FHIT: variants seen among roughly 807,000 people sequenced by gnomAD.
FHIT encodes fragile histidine triad diadenosine triphosphatase.
A neutral mutation model predicts 17.9 loss-of-function variants in FHIT; 19 were observed. That is an observed-to-expected ratio of 1.06 (90% CI 0.74 to 1.56). The LOEUF is 1.56. FHIT is among the 40% of genes most tolerant of loss of function. FHIT has a pLI of 0.00. For synonymous variants in FHIT, 81 were observed against 69.7 expected, an observed-to-expected ratio of 1.16 and a Z score of -0.81; for missense variants, 248 against 189.2, an observed-to-expected ratio of 1.31 and a Z score of -1.82.
At chr3:60,894,755 T>A (rs1705701527) in intron 3 of FHIT, among the ~76,000 whole-genome samples, 1 of 152,136 alleles carries the variant, frequency 6.6e-6, no homozygotes, top group Non-Finnish European at 1.5e-5. Flanking sequence ...CTTGCAAGAA[T>A]CATATCATGA....
intron 5 of FHIT, among the ~76,000 whole-genome samples, chr3:60,499,239 T>C (rs1486575971): frequency 1.3e-5 from 2 of 152,198 alleles, no homozygotes; most frequent in South Asian, 2.1e-4. Flanking sequence ...ATGTTTATAT[T>C]AAAAATCCTG....
chr3:59,901,507 G>C (rs184478483), intron 8 of FHIT, among the ~76,000 whole-genome samples: 1 of 152,180 alleles, frequency 6.6e-6, no homozygotes, highest in Non-Finnish European at 1.5e-5. Context: ...AAATGACCAA[G>C]GGGCATGTGG....
chr3:59,868,065 A>C (rs1211165754), intron 8 of FHIT, among the ~76,000 whole-genome samples: 1 of 151,400 alleles, frequency 6.6e-6, no homozygotes, highest in African/African-American at 2.4e-5. Flanking sequence ...AAAAAAAAAA[A>C]ACCTTTCATT....
intron 5 of FHIT, among the ~76,000 whole-genome samples, chr3:60,369,535 A>T (rs55729744): frequency 0.027 from 4,117 of 152,160 alleles, 197 homozygotes; most frequent in African/African-American, 0.092. Context: ...TTCCCTTAAC[A>T]TATTGAGTAT....
intron 2 of FHIT, among the ~76,000 whole-genome samples, chr3:61,144,712 G>T (rs1289680951): frequency 6.6e-6 from 1 of 152,098 alleles, no homozygotes; most frequent in Non-Finnish European, 1.5e-5. Context: ...GCTTGTTATT[G>T]TCTTTTCTAT....
intron 9 of FHIT, chr3:59,751,324 TCTGCCTCCCAGGTTCAAGCAGTTCTC>T (rs1700886592): frequency 5.5e-6 from 1 of 180,442 alleles, no homozygotes; most frequent in Non-Finnish European, 1.2e-5. Flanking sequence ...CACTGCAACC[TCTGCCTCCCAGGTTCAAGCAGTTCTC>T]CTGCCTCAGC....
intron 5 of FHIT, among the ~76,000 whole-genome samples, chr3:60,095,122 C>A (rs141958243): frequency 1.3e-5 from 2 of 152,122 alleles, no homozygotes; most frequent in Non-Finnish European, 2.9e-5. Context: ...AAGTAAAAAG[C>A]TGAGATAAAG....
At chr3:60,260,113 G>A (rs951769374) in intron 5 of FHIT, among the ~76,000 whole-genome samples, 2 of 152,050 alleles carry the variant, frequency 1.3e-5, no homozygotes, top group African/African-American at 2.4e-5. Flanking sequence ...TCTGAATTCT[G>A]TGCATCTAAC....
chr3:59,834,176 C>T (rs191098010), intron 8 of FHIT, among the ~76,000 whole-genome samples: 1 of 152,282 alleles, frequency 6.6e-6, no homozygotes, highest in Admixed American at 6.5e-5. Context: ...TCAGGAAGAC[C>T]TGAATTCAAG....
At chr3:59,994,818 C>T (rs949081950) in intron 7 of FHIT, among the ~76,000 whole-genome samples, 3 of 152,058 alleles carry the variant, frequency 2.0e-5, no homozygotes, top group Non-Finnish European at 4.4e-5. Flanking sequence ...AAGCTCAGAA[C>T]GTGACATGCA....
At chr3:59,782,812 T>TC (rs1246840949) in intron 8 of FHIT, among the ~76,000 whole-genome samples, 2 of 151,936 alleles carry the variant, frequency 1.3e-5, no homozygotes, top group Non-Finnish European at 2.9e-5. Flanking sequence ...GCATTTTTTT[T>TC]TCCCCCAGGA....
At chr3:59,750,510 C>A (rs762495875) in intron 9 of FHIT, 9 of 224,326 alleles carry the variant, frequency 4.0e-5, no homozygotes, top group Non-Finnish European at 8.0e-5. Flanking sequence ...CCTTAAAAAA[C>A]GAGAGAGAGA....
At chr3:60,034,978 A>G (rs1307864763) in intron 5 of FHIT, among the ~76,000 whole-genome samples, 1 of 152,190 alleles carries the variant, frequency 6.6e-6, no homozygotes, top group Non-Finnish European at 1.5e-5. Context: ...CATACAGGAG[A>G]TATTTTTCCC....
chr3:60,583,223 T>C (rs1331245852), intron 4 of FHIT, among the ~76,000 whole-genome samples: 1 of 152,004 alleles, frequency 6.6e-6, no homozygotes, highest in Non-Finnish European at 1.5e-5. Flanking sequence ...TTTTGGTTCC[T>C]CTTCATTTCT....
chr3:60,267,907 A>G (rs1381629297), intron 5 of FHIT, among the ~76,000 whole-genome samples: 2 of 152,210 alleles, frequency 1.3e-5, no homozygotes, highest in Non-Finnish European at 2.9e-5. Flanking sequence ...GTGCACACAT[A>G]TTTGAAGGAC....
intron 5 of FHIT, among the ~76,000 whole-genome samples, chr3:60,141,136 G>A (rs775946699): frequency 1.6e-4 from 25 of 152,078 alleles, no homozygotes; most frequent in East Asian, 3.9e-4. Flanking sequence ...CAGCCATTTC[G>A]AGGGGGGATA....
intron 8 of FHIT, among the ~76,000 whole-genome samples, chr3:59,861,726 A>C (rs1417013313): frequency 6.6e-6 from 1 of 152,250 alleles, no homozygotes; most frequent in Non-Finnish European, 1.5e-5. Context: ...TTCCTGAAGT[A>C]CAAGAAGTCT....
chr3:60,997,006 T>A (rs2030722399), intron 3 of FHIT, among the ~76,000 whole-genome samples: 1 of 152,252 alleles, frequency 6.6e-6, no homozygotes, highest in African/African-American at 2.4e-5. Flanking sequence ...CCTGAATATT[T>A]CTAATGGGCT....
At chr3:60,298,878 T>A (rs1708327985) in intron 5 of FHIT, among the ~76,000 whole-genome samples, 1 of 152,096 alleles carries the variant, frequency 6.6e-6, no homozygotes, top group African/African-American at 2.4e-5. Flanking sequence ...ACTTCTGGCT[T>A]TTTTCTTGTA....
Sources: gnomAD v4.1 joint callset for allele counts (sites outside exome capture counted in the v4.1 genomes callset) on GRCh38, gnomAD v4.1.1 for gene constraint, MANE v1.5 for transcripts, NCBI Gene and HGNC (gene_info 2026-07-23, HGNC 2026-07-21) for gene names.